Variants in IGSF3 observed in about 807,000 individuals in gnomAD.
IGSF3 encodes the protein immunoglobulin superfamily member 3.
A neutral mutation model predicts 114.4 loss-of-function variants in IGSF3; 23 were observed. The ratio of observed to expected loss-of-function variants is 0.20; its 90% CI spans 0.14 to 0.28. The LOEUF (loss-of-function observed/expected upper bound fraction) is 0.28. IGSF3 is among the 10% of genes least tolerant of loss of function. The pLI, the probability that IGSF3 is intolerant of heterozygous loss-of-function variation, is 1.00. For missense variants in IGSF3, 1,172 were observed against 1,591.5 expected (o/e 0.74, Z 4.48); for synonymous variants, 571 against 645.2 (o/e 0.88, Z 1.74).
chr1:116,584,669 T>A lies in IGSF3; in HGVS notation c.2824A>T (p.Thr942Ser). ...YKRAEDTAGQ[T>S]ALTVMRPDAS... ...CCTGGTCGCATGACTGTCAGAGCTG[T>A]CTGCCCAGCGGTGTCCTCTGCCCGC... Residue 942 changes from threonine (T) to serine (S), a missense_variant, in exon 9 of 11, where the codon ACA (threonine) becomes TCA (serine). Physicochemically the swap from Thr to Ser is moderately conservative, Grantham distance 58 (BLOSUM62 1). Around this residue, in one of 3 missense-constraint regions of IGSF3, gnomAD observed 423 missense variants for 509.8 expected, o/e 0.83. Coordinates refer to ENST00000369486, the MANE Select transcript of IGSF3 (RefSeq NM_001007237.3). This position sits in a 1 kb window ranked among gnomAD's most constrained non-coding sequence, Gnocchi z 5.8. 1.2e-6 allele frequency: 2 copies of A among 1,614,214 alleles called. No individual in the cohort carries two copies. The highest frequency in any genetic ancestry group is 1.7e-6 in the Non-Finnish European group (2 of 1,180,018).
At position 116,577,438 on chromosome 1, in the gene IGSF3, GTTCCGGCTC is replaced by G. The variant is rs1659396183; in HGVS notation, c.3450_3458del (p.Lys1150_Arg1152del). On this transcript the variant is annotated inframe_deletion, in exon 11 of 11. Transcript: ENST00000369486. This position sits in a 1 kb window ranked among gnomAD's most constrained non-coding sequence, Gnocchi z 5.7. ...TCTTCCCATCAGAGTTCTTGCTGGA[GTTCCGGCTC>G]TTGAAACGCACCAGAAGGATGGTGA... 1 of 1,614,116 alleles carries G rather than the reference GTTCCGGCTC, an allele frequency of 6.2e-7. No individual in the cohort carries two copies. The highest frequency in any genetic ancestry group is 1.1e-5 in the South Asian group (1 of 91,088).
intron 1 of IGSF3, among the ~76,000 whole-genome samples, chr1:116,667,275 G>C (rs1281937321): frequency 6.6e-6 from 1 of 152,174 alleles, no homozygotes; most frequent in Non-Finnish European, 1.5e-5. Context: ...AAGGGGCTCC[G>C]CGGTGGGGCC....
Position 116,633,076 on chromosome 1 carries a change from C to G in IGSF3, c.44-16619G>C, listed in dbSNP as rs1255863841. On this transcript the variant is annotated intron_variant, in intron 2 of 10. Coordinates refer to ENST00000369486, the MANE Select transcript of IGSF3 (RefSeq NM_001007237.3). The surrounding 1 kb of genome is among the most constrained non-coding windows in gnomAD (Gnocchi z 4.3). The stretch of plus-strand genomic sequence containing the variant: ...ATGCTGCACGCTGCAGAGACACAGT[C>G]TTTGGGTTCTGTGAGCTGTATTTGG... Among the ~76,000 whole-genome samples the G allele has an allele frequency of 1.3e-5, 2 of 152,232 alleles. No individual in the cohort carries two copies. The highest frequency in any genetic ancestry group is 4.8e-5 in the African/African-American group (2 of 41,458).
rs1327120186 is a variant in IGSF3, at chr1:116,614,113, G to T, written c.484C>A (p.Pro162Thr). Reference protein sequence around the residue: ...PQTLHRVEQDPLELTCEVASE... With the variant: ...PQTLHRVEQDTLELTCEVASE... ...GCCACCTCACAAGTGAGCTCCAGCG[G>T]GTCCTGCTCCACTCTGTGCAGAGTC... Residue 162 changes from proline to threonine, a missense_variant, in exon 4 of 11, where the codon CCG (proline) becomes ACG (threonine). Coordinates refer to ENST00000369486, the MANE Select transcript of IGSF3 (RefSeq NM_001007237.3). The surrounding 1 kb of genome is among the most constrained non-coding windows in gnomAD (Gnocchi z 4.5). 1.2e-6 allele frequency: 2 copies of T among 1,613,964 alleles called. No individual in the cohort carries two copies. Among genetic ancestry groups the T allele is most frequent in the Non-Finnish European group, 1.7e-6 (2 of 1,179,988 alleles).
chr1:116,617,533 C>T (rs534182868), intron 2 of IGSF3, among the ~76,000 whole-genome samples: 1 of 152,326 alleles, frequency 6.6e-6, no homozygotes, highest in African/African-American at 2.4e-5. Flanking sequence ...TCTCATCTAT[C>T]ACATGATTTC....
At chr1:116,626,376 CAA>C (rs1012480190) in intron 2 of IGSF3, among the ~76,000 whole-genome samples, 10 of 134,522 alleles carry the variant, frequency 7.4e-5, no homozygotes, top group African/African-American at 4.0e-4. Flanking sequence ...TTTTCCTCCT[CAA>C]AGTTTTTGAG....
In IGSF3 at chr1:116,579,478, T is replaced by A; in HGVS notation, c.3248A>T (p.Glu1083Val). The stretch of plus-strand genomic sequence containing the variant: ...CTTCTGAGGGCTGGGCAGCCACTCC[T>A]CCACATGGCAGGAGTAATTGCCTGT... ...QDTGNYSCHV[E>V]EWLPSPQKEW... The change falls in exon 10 of 11, where the codon GAG (glutamate) becomes GTG (valine). Residue 1083 changes from glutamate to valine, a missense_variant. By Grantham distance (121) the Glu-to-Val change is moderately radical (BLOSUM62 -2). Transcript: ENST00000369486. This position sits in a 1 kb window ranked among gnomAD's most constrained non-coding sequence, Gnocchi z 6.4. 1 of 1,613,810 alleles carries A rather than the reference T, an allele frequency of 6.2e-7. No individual in the cohort carries two copies. Among genetic ancestry groups the A allele is most frequent in the Non-Finnish European group, 8.5e-7 (1 of 1,179,890 alleles).
rs1164814401 is a variant in IGSF3, at chr1:116,650,703, T to A, written c.43+15581A>T. Among the ~76,000 whole-genome samples the A allele has an allele frequency of 1.2e-4, 19 of 152,164 alleles. No homozygotes were observed. Among genetic ancestry groups the A allele is most frequent in the Admixed American group, 1.2e-3 (19 of 15,282 alleles). On this transcript the variant is annotated intron_variant, in intron 2 of 10. Transcript: ENST00000369486. This position sits in a 1 kb window ranked among gnomAD's most constrained non-coding sequence, Gnocchi z 5.0. The stretch of plus-strand genomic sequence containing the variant: ...TGTTTCCCCTCACTTGCCACCCCCA[T>A]CCTGTGCTGGCAGATAAGGATGCTC...
At chr1:116,590,064 G>C (rs12033226) in intron 7 of IGSF3, among the ~76,000 whole-genome samples, 2 of 152,122 alleles carry the variant, frequency 1.3e-5, no homozygotes, top group Admixed American at 6.5e-5. Flanking sequence ...TGCTGCGGGC[G>C]GGGGGAGAGG....
In IGSF3 at chr1:116,610,420, A is replaced by T. The variant is rs1262692422; in HGVS notation, c.833-2089T>A. The stretch of plus-strand genomic sequence containing the variant: ...CATGTTCCCAGGTTGAAGACACAAG[A>T]TTTACCCACATCACCCCCGTTTCTG... On this transcript the variant is annotated intron_variant, in intron 4 of 10. Transcript: ENST00000369486. This position sits in a 1 kb window ranked among gnomAD's most constrained non-coding sequence, Gnocchi z 4.3. Among the ~76,000 whole-genome samples, 1 of 152,036 alleles carries T rather than the reference A, an allele frequency of 6.6e-6. No homozygotes were observed. The highest frequency in any genetic ancestry group is 1.5e-5 in the Non-Finnish European group (1 of 68,010).
At position 116,664,446 on chromosome 1, in the gene IGSF3, T is replaced by G. The variant is rs1007040521; in HGVS notation, c.43+1838A>C. ...AAAAGGCACAAATGTCACATTGCCT[T>G]GTTTTCCCATTGATGGTTACTTCTC... On this transcript the variant is annotated intron_variant, in intron 2 of 10. Coordinates refer to ENST00000369486, the MANE Select transcript of IGSF3 (RefSeq NM_001007237.3). The surrounding 1 kb of genome is among the most constrained non-coding windows in gnomAD (Gnocchi z 4.6). Among the ~76,000 whole-genome samples the G allele has an allele frequency of 6.6e-6, 1 of 152,166 alleles. No homozygotes were observed. Among genetic ancestry groups the G allele is most frequent in the African/African-American group, 2.4e-5 (1 of 41,458 alleles).
In IGSF3 at chr1:116,625,453, T is replaced by C. The variant is rs1661543019; in HGVS notation, c.44-8996A>G. ...AGTTTGCGGAGGTCGTTTTGTCACATGACTGGAGGGCACATCAGTGCCAGG... is the reference window on the plus strand; with the variant it reads ...AGTTTGCGGAGGTCGTTTTGTCACACGACTGGAGGGCACATCAGTGCCAGG... On this transcript the variant is annotated intron_variant, in intron 2 of 10. Coordinates refer to ENST00000369486, the MANE Select transcript of IGSF3 (RefSeq NM_001007237.3). The surrounding 1 kb of genome is among the most constrained non-coding windows in gnomAD (Gnocchi z 4.7). Among the ~76,000 whole-genome samples the C allele has an allele frequency of 6.6e-6, 1 of 152,202 alleles. No individual in the cohort carries two copies. Among genetic ancestry groups the C allele is most frequent in the Non-Finnish European group, 1.5e-5 (1 of 68,048 alleles).
intron 2 of IGSF3, among the ~76,000 whole-genome samples, chr1:116,637,275 A>T (rs1015264277): frequency 3.9e-5 from 6 of 152,124 alleles, no homozygotes; most frequent in Non-Finnish European, 7.4e-5. Flanking sequence ...TTTGAACTGA[A>T]ATTGGGCTCA....
In IGSF3 at chr1:116,601,341, A is replaced by C. The variant is rs188784507; in HGVS notation, c.1625-996T>G. 4.8e-4 allele frequency among the ~76,000 whole-genome samples: 73 copies of C among 152,372 alleles called. 2 individuals are homozygous for C. The East Asian group carries it at 0.013, about 28-fold the overall frequency. On this transcript the variant is annotated intron_variant, in intron 6 of 10. Transcript: ENST00000369486. ...TTTTTAGGTTGCTTTACCCATGGAAAGCATAACACAGTGGTTAAAGGTCTA... is the reference window on the plus strand; with the variant it reads ...TTTTTAGGTTGCTTTACCCATGGAACGCATAACACAGTGGTTAAAGGTCTA...
In IGSF3 at chr1:116,582,302, C is replaced by T. The variant is rs1032069818; in HGVS notation, c.2848+2343G>A. Among the ~76,000 whole-genome samples, 4 of 152,242 alleles carry T rather than the reference C, an allele frequency of 2.6e-5. No homozygotes were observed. The highest frequency in any genetic ancestry group is 2.1e-4 in the South Asian group (1 of 4,812). ...CCAAGTATAAGCCATGGAAAGATGC[C>T]GACCTCTGCCCCTGCTGTCTGCGTG... On this transcript the variant is annotated intron_variant, in intron 9 of 10. Transcript: ENST00000369486. This position sits in a 1 kb window ranked among gnomAD's most constrained non-coding sequence, Gnocchi z 4.7.
rs1648427012 is a variant in IGSF3 at position 116,647,376 on chromosome 1, A to C, written c.43+18908T>G. Among the ~76,000 whole-genome samples the C allele has an allele frequency of 6.6e-6, 1 of 152,216 alleles. No individual in the cohort carries two copies. The highest frequency in any genetic ancestry group is 6.5e-5 in the Admixed American group (1 of 15,274). ...AAAGGTCGTGCCTTTATGGCTCGCA[A>C]CTATGTGCTGAGTGTGGCCCAAATT... On this transcript the variant is annotated intron_variant, in intron 2 of 10. Transcript: ENST00000369486. The surrounding 1 kb of genome is among the most constrained non-coding windows in gnomAD (Gnocchi z 4.6).
rs1289300498 is a variant in IGSF3 at position 116,593,265 on chromosome 1, C to T, written c.2030-4161G>A. 6.6e-6 allele frequency among the ~76,000 whole-genome samples: 1 copy of T among 152,218 alleles called. No individual in the cohort carries two copies. The highest frequency in any genetic ancestry group is 1.5e-5 in the Non-Finnish European group (1 of 68,038). ...GAGCCCTCCAATTGATTCTGATGCA[C>T]ATTCAAGTTTGAGAAGCAACAGCCG... is the stretch of plus-strand genomic sequence containing the variant. On this transcript the variant is annotated intron_variant, in intron 7 of 10. Coordinates refer to ENST00000369486, the MANE Select transcript of IGSF3 (RefSeq NM_001007237.3). This position sits in a 1 kb window ranked among gnomAD's most constrained non-coding sequence, Gnocchi z 4.5.
rs1647757350 is a variant in IGSF3 at position 116,634,925 on chromosome 1, G to A, written c.44-18468C>T. Among the ~76,000 whole-genome samples, 1 of 152,194 alleles carries A rather than the reference G, an allele frequency of 6.6e-6. No homozygotes were observed. Among genetic ancestry groups the A allele is most frequent in the Admixed American group, 6.5e-5 (1 of 15,288 alleles). On this transcript the variant is annotated intron_variant, in intron 2 of 10. Transcript: ENST00000369486. This position sits in a 1 kb window ranked among gnomAD's most constrained non-coding sequence, Gnocchi z 4.2. Reference sequence around the variant, plus strand: ...GAAGCCCAAGCTACCCCACAGGAGAGACAAGGTGAAGAGAATGAGATGCCA... The same window carrying A: ...GAAGCCCAAGCTACCCCACAGGAGAAACAAGGTGAAGAGAATGAGATGCCA...
Position 116,632,880 on chromosome 1 carries a change from A to T in IGSF3, c.44-16423T>A, listed in dbSNP as rs1339943500. Among the ~76,000 whole-genome samples, 1 of 152,248 alleles carries T rather than the reference A, an allele frequency of 6.6e-6. No individual in the cohort carries two copies. The highest frequency in any genetic ancestry group is 1.5e-5 in the Non-Finnish European group (1 of 68,038). ...CTCCATGGCTAGGGACAGTGACATCAGTGTGTTTACCAAGCATTTGATTTA... is the reference window on the plus strand; with the variant it reads ...CTCCATGGCTAGGGACAGTGACATCTGTGTGTTTACCAAGCATTTGATTTA... On this transcript the variant is annotated intron_variant, in intron 2 of 10. Coordinates refer to ENST00000369486, the MANE Select transcript of IGSF3 (RefSeq NM_001007237.3). This position sits in a 1 kb window ranked among gnomAD's most constrained non-coding sequence, Gnocchi z 5.1.
Sources: gnomAD v4.1 joint callset for allele counts (sites outside exome capture counted in the v4.1 genomes callset) on GRCh38, gnomAD v4.1.1 for gene constraint, gnomAD v4.1.1 regional missense constraint, Gnocchi (gnomAD v3.1) non-coding constraint, MANE v1.5 for transcripts, NCBI Gene and HGNC (gene_info 2026-07-23, HGNC 2026-07-21) for gene names.